PPP1R9A: variants seen among roughly 807,000 people sequenced by gnomAD.
PPP1R9A encodes the protein protein phosphatase 1 regulatory subunit 9A.
Under a neutral mutation model 141.9 loss-of-function variants are expected in PPP1R9A, and 59 were observed. The ratio of observed to expected loss-of-function variants is 0.42; its 90% CI spans 0.34 to 0.52. The LOEUF is 0.52. Among genes scored for constraint, PPP1R9A ranks in the 20% least tolerant of loss-of-function variants. The pLI is 0.10. For missense variants in PPP1R9A, 1,444 were observed against 1,611.9 expected, an observed-to-expected ratio of 0.90 and a Z score of 1.78; for synonymous variants, 500 against 569.7, an observed-to-expected ratio of 0.88 and a Z score of 1.74.
intron 5 of PPP1R9A, among the ~76,000 whole-genome samples, chr7:95,189,238 T>C (rs1368406716): frequency 6.6e-6 from 1 of 152,084 alleles, no homozygotes; most frequent in Non-Finnish European, 1.5e-5. Context: ...GCTCTTAAGA[T>C]TCTTTCCTTA....
At chr7:95,082,676 G>A (rs1378294380) in intron 2 of PPP1R9A, among the ~76,000 whole-genome samples, 2 of 151,618 alleles carry the variant, frequency 1.3e-5, no homozygotes, top group African/African-American at 4.9e-5. Context: ...GGATTTTGAG[G>A]CTACAGTGAG....
chr7:95,094,487 G>A (rs1028637775), intron 2 of PPP1R9A, among the ~76,000 whole-genome samples: 1 of 152,144 alleles, frequency 6.6e-6, no homozygotes, highest in Non-Finnish European at 1.5e-5. Flanking sequence ...TTTAGGAATG[G>A]CACCTAGATG....
chr7:94,985,801 T>C (rs1200778608), intron 2 of PPP1R9A, among the ~76,000 whole-genome samples: 1 of 152,054 alleles, frequency 6.6e-6, no homozygotes, highest in Non-Finnish European at 1.5e-5. Flanking sequence ...TATTACTCTA[T>C]AAAAAAATGG....
intron 4 of PPP1R9A, among the ~76,000 whole-genome samples, chr7:95,151,290 G>A (rs774431976): frequency 1.2e-4 from 19 of 152,218 alleles, no homozygotes; most frequent in African/African-American, 4.3e-4. Flanking sequence ...ATATTATTCA[G>A]TGCTAAAAAG....
chr7:94,919,254 C>T (rs1272379866), intron 2 of PPP1R9A, among the ~76,000 whole-genome samples: 1 of 151,818 alleles, frequency 6.6e-6, no homozygotes, highest in Non-Finnish European at 1.5e-5. Context: ...CCCAGCCTCC[C>T]AAGTAGCTGG....
In PPP1R9A at chr7:95,025,756, A is replaced by C. The variant is rs939306259; in HGVS notation, c.1396-85503A>C. Among the ~76,000 whole-genome samples the C allele has an allele frequency of 7.9e-5, 12 of 152,246 alleles. No individual in the cohort carries two copies. In the East Asian group the frequency reaches 2.1e-3, roughly 27 times the overall value. ...TTTCACATAGTCCCATATTTCTTGG[A>C]GGCTTTATTCATTCCTTTTCATTCC... On this transcript the variant is annotated intron_variant, in intron 2 of 19. Transcript: ENST00000433360.
chr7:95,121,344 A>G (rs1006173868), intron 4 of PPP1R9A, among the ~76,000 whole-genome samples: 6 of 152,184 alleles, frequency 3.9e-5, no homozygotes, highest in Non-Finnish European at 8.8e-5. Context: ...AATCTCCAGT[A>G]GAGGGGTCTG....
intron 2 of PPP1R9A, among the ~76,000 whole-genome samples, chr7:95,054,130 T>C (rs1811180678): frequency 2.6e-5 from 4 of 151,400 alleles, no homozygotes; most frequent in Non-Finnish European, 3.0e-5. Flanking sequence ...TTTTTTTTTT[T>C]TTCTGAGAGG....
Position 95,290,509 on chromosome 7 carries a change from T to G in PPP1R9A, c.*206T>G. ...ACTACTAAAATAATCCCAAGCCACC[T>G]TTGGTTCATTAACAAACCAGAGATT... On this transcript the variant is annotated 3_prime_UTR_variant, in exon 20 of 20. Coordinates refer to ENST00000433360, the MANE Select transcript of PPP1R9A (RefSeq NM_001166160.2). The G allele has an allele frequency of 1.8e-6, 1 of 563,066 alleles. No homozygotes were observed. The highest frequency in any genetic ancestry group is 3.1e-6 in the Non-Finnish European group (1 of 327,572). The allele number at this position is 563,066 out of a possible 1,614,324, so 34.9% of individuals were successfully genotyped here.
rs901290889 is a variant in PPP1R9A at position 95,072,657 on chromosome 7, ATATATAT to A, written c.1396-38589_1396-38583del. 5.7e-5 allele frequency among the ~76,000 whole-genome samples: 7 copies of A among 122,896 alleles called. No homozygotes were observed. The East Asian group carries it at 1.0e-3, about 18-fold the overall frequency. The allele number at this position is 122,896 out of a possible 152,430, so 80.6% of individuals were successfully genotyped here. On this transcript the variant is annotated intron_variant, in intron 2 of 19. Transcript: ENST00000433360. ...TTTATAATATATAATATATTATAAA[ATATATAT>A]TATATATTATATTACATATTATATA...
At chr7:95,066,137 A>G (rs1445958149) in intron 2 of PPP1R9A, among the ~76,000 whole-genome samples, 1 of 152,206 alleles carries the variant, frequency 6.6e-6, no homozygotes, top group African/African-American at 2.4e-5. Flanking sequence ...TGGCTGTCAT[A>G]CAATCTGACT....
intron 7 of PPP1R9A, among the ~76,000 whole-genome samples, chr7:95,211,948 C>G (rs918580845): frequency 2.6e-5 from 4 of 152,070 alleles, no homozygotes; most frequent in African/African-American, 9.7e-5. Context: ...TATGATTGTG[C>G]CATTACATTC....
At chr7:94,922,851 A>G (rs1793014792) in intron 2 of PPP1R9A, among the ~76,000 whole-genome samples, 2 of 152,168 alleles carry the variant, frequency 1.3e-5, no homozygotes, top group Non-Finnish European at 2.9e-5. Flanking sequence ...ACATTAAAAG[A>G]TAGTGGTGGG....
At chr7:95,155,776 CT>C (rs1829508243) in intron 4 of PPP1R9A, 1 of 152,126 alleles carries the variant, frequency 6.6e-6, no homozygotes, top group Admixed American at 6.5e-5. Flanking sequence ...GAACTAGTTT[CT>C]TAAAGACAAG....
Position 95,273,946 on chromosome 7 carries a change from G to A in PPP1R9A, c.3172G>A (p.Val1058Met). The A allele has an allele frequency of 1.3e-6, 2 of 1,505,186 alleles. No individual in the cohort carries two copies. The highest frequency in any genetic ancestry group is 1.1e-5 in the South Asian group (1 of 88,354). The allele number at this position is 1,505,186 out of a possible 1,614,324, so 93.2% of individuals were successfully genotyped here. ...ACTAAGGGCATCCAGTTCATTGGCG[G>A]TGCAAGGAGGAAAAATTAAGCGGAA... ...KSLRASSSLA[V>M]QGGKIKRKFV... The change falls in exon 15 of 20, where the codon GTG becomes ATG. Residue 1058 changes from valine to methionine, a missense_variant. Val to Met is a conservative substitution (Grantham distance 21, BLOSUM62 1). Around this residue, in one of 5 missense-constraint regions of PPP1R9A, gnomAD observed 459 missense variants for 513.8 expected, o/e 0.89. Transcript: ENST00000433360.
At chr7:95,204,811 ACAT>A (rs1373545738) in intron 7 of PPP1R9A, among the ~76,000 whole-genome samples, 3 of 139,404 alleles carry the variant, frequency 2.2e-5, no homozygotes, top group Non-Finnish European at 4.6e-5. Context: ...GCCCACACAC[ACAT>A]CACACACACC....
At chr7:95,257,819 A>G (rs949615279) in intron 12 of PPP1R9A, among the ~76,000 whole-genome samples, 11 of 151,702 alleles carry the variant, frequency 7.3e-5, no homozygotes, top group Admixed American at 2.6e-4. Context: ...TTCCAGCTTC[A>G]TCCATGTCCC....
intron 5 of PPP1R9A, among the ~76,000 whole-genome samples, chr7:95,190,756 T>G (rs1000684289): frequency 9.9e-5 from 15 of 152,282 alleles, no homozygotes; most frequent in African/African-American, 3.4e-4. Flanking sequence ...GTGAATTCTT[T>G]TAGTTTTCCT....
At chr7:95,160,750 TAC>T (rs1830362503) in intron 4 of PPP1R9A, among the ~76,000 whole-genome samples, 2 of 152,196 alleles carry the variant, frequency 1.3e-5, no homozygotes, top group African/African-American at 4.8e-5. Flanking sequence ...ATGTTTAACT[TAC>T]ACTTATAAGT....
Sources: allele counts gnomAD v4.1 joint callset (sites outside exome capture counted in the v4.1 genomes callset), GRCh38; gene constraint gnomAD v4.1.1; regional missense constraint gnomAD v4.1.1; transcripts MANE v1.5; gene names NCBI Gene and HGNC (gene_info 2026-07-23, HGNC 2026-07-21).